Variants in MIPOL1 observed in about 807,000 individuals in gnomAD.
The protein encoded by MIPOL1 is mirror-image polydactyly 1.
A neutral mutation model predicts 60.9 loss-of-function variants in MIPOL1; 57 were observed. The observed-to-expected ratio is 0.94, with a 90% CI of 0.76 to 1.17. MIPOL1 has a LOEUF of 1.17. Ranked by LOEUF, MIPOL1 falls within the 50% of genes most tolerant of loss-of-function variation. MIPOL1 has a pLI of 0.00. For missense variants in MIPOL1, 551 were observed against 511.6 expected, an observed-to-expected ratio of 1.08 and a Z score of -0.74; for synonymous variants, 179 against 168.8, an observed-to-expected ratio of 1.06 and a Z score of -0.47.
intron 12 of MIPOL1, among the ~76,000 whole-genome samples, chr14:37,529,898 T>C (rs955687262): frequency 1.3e-5 from 2 of 152,170 alleles, no homozygotes; most frequent in African/African-American, 4.8e-5. Context: ...GCAAATGCAT[T>C]TAGATTTCCT....
intron 11 of MIPOL1, among the ~76,000 whole-genome samples, chr14:37,487,406 G>A (rs1483044229): frequency 6.6e-6 from 1 of 152,172 alleles, no homozygotes; most frequent in African/African-American, 2.4e-5. Flanking sequence ...AGTTTCAGAA[G>A]GAATGGTACC....
intron 11 of MIPOL1, among the ~76,000 whole-genome samples, chr14:37,423,218 G>A (rs2093906803): frequency 6.6e-6 from 1 of 151,388 alleles, no homozygotes; most frequent in African/African-American, 2.4e-5. Context: ...AGCCTGGATA[G>A]CTGTTGAGCT....
chr14:37,437,601 G>A (rs1325428288), intron 11 of MIPOL1, among the ~76,000 whole-genome samples: 1 of 152,036 alleles, frequency 6.6e-6, no homozygotes, highest in African/African-American at 2.4e-5. Flanking sequence ...TCTTTTGTAT[G>A]ATACAGTGTT....
chr14:37,398,781 T>C lies in MIPOL1; in HGVS notation c.937-24074T>C, dbSNP rs182629371. On this transcript the variant is annotated intron_variant, in intron 10 of 12. Coordinates refer to ENST00000684589, the MANE Select transcript of MIPOL1 (RefSeq NM_001388067.1). ...AAGATCTTTTCGTTTTTCTTTGATATGAAGTTTATAGACTAAATGGAAACT... is the reference window on the plus strand; with the variant it reads ...AAGATCTTTTCGTTTTTCTTTGATACGAAGTTTATAGACTAAATGGAAACT... 1.2e-3 allele frequency among the ~76,000 whole-genome samples: 178 copies of C among 152,308 alleles called. 1 individual carries two copies. Among genetic ancestry groups the C allele is most frequent in the African/African-American group, 4.2e-3 (173 of 41,564 alleles).
At chr14:37,232,986 C>A (rs1228591496) in intron 1 of MIPOL1, among the ~76,000 whole-genome samples, 5 of 152,144 alleles carry the variant, frequency 3.3e-5, no homozygotes, top group Admixed American at 2.6e-4. Context: ...GAGGTGTATA[C>A]TGTTTCATCA....
intron 11 of MIPOL1, among the ~76,000 whole-genome samples, chr14:37,441,881 T>G (rs1448854473): frequency 6.6e-6 from 1 of 152,136 alleles, no homozygotes; most frequent in Non-Finnish European, 1.5e-5. Context: ...ATAATATTAA[T>G]TCTTCTGATC....
intron 1 of MIPOL1, among the ~76,000 whole-genome samples, chr14:37,204,074 G>T (rs994919255): frequency 6.6e-6 from 1 of 151,804 alleles, no homozygotes; most frequent in Admixed American, 6.6e-5. Flanking sequence ...GAGCCACTGC[G>T]CCCAGCCCCC....
intron 10 of MIPOL1, among the ~76,000 whole-genome samples, chr14:37,408,381 G>A (rs889245557): frequency 6.6e-6 from 1 of 152,144 alleles, no homozygotes; most frequent in African/African-American, 2.4e-5. Flanking sequence ...TGTAGTCTCA[G>A]TACTTTGGGA....
chr14:37,361,076 A>T (rs945357953), intron 9 of MIPOL1, among the ~76,000 whole-genome samples: 1 of 152,064 alleles, frequency 6.6e-6, no homozygotes, highest in Non-Finnish European at 1.5e-5. Flanking sequence ...TTCATTATTT[A>T]CCTAGTAGTC....
chr14:37,458,405 T>G (rs2094500811), intron 11 of MIPOL1, among the ~76,000 whole-genome samples: 1 of 152,188 alleles, frequency 6.6e-6, no homozygotes, highest in African/African-American at 2.4e-5. Flanking sequence ...ACACAATAGA[T>G]AATATGTTGG....
chr14:37,199,473 G>A (rs1594387522), intron 1 of MIPOL1, among the ~76,000 whole-genome samples: 2 of 152,188 alleles, frequency 1.3e-5, no homozygotes, highest in East Asian at 3.9e-4. Context: ...ATTACCAATA[G>A]GGCTGCTATA....
intron 12 of MIPOL1, chr14:37,506,894 TAAAC>T (rs2095282280): frequency 6.6e-6 from 1 of 151,674 alleles, no homozygotes; most frequent in Non-Finnish European, 1.5e-5. Flanking sequence ...TATTGGAACT[TAAAC>T]AATTACAAGA....
intron 12 of MIPOL1, among the ~76,000 whole-genome samples, chr14:37,544,385 T>C (rs879600700): frequency 5.9e-5 from 9 of 152,208 alleles, no homozygotes; most frequent in Non-Finnish European, 1.3e-4. Flanking sequence ...ACTTGTCTGT[T>C]CTTCAGTTTC....
chr14:37,530,911 G>T (rs902335283), intron 12 of MIPOL1, among the ~76,000 whole-genome samples: 26 of 151,304 alleles, frequency 1.7e-4, no homozygotes, highest in African/African-American at 6.3e-4. Flanking sequence ...TCCGCCTCCC[G>T]AGTTCAAGCA....
chr14:37,423,622 C>T (rs979692917), intron 11 of MIPOL1: 7 of 151,936 alleles, frequency 4.6e-5, no homozygotes, highest in Middle Eastern at 6.8e-3. Flanking sequence ...AAAAACACAC[C>T]GATGCACAAT....
In MIPOL1 at chr14:37,429,886, T is replaced by C. The variant is rs895768652; in HGVS notation, c.1031+6937T>C. 3.9e-5 allele frequency among the ~76,000 whole-genome samples: 6 copies of C among 152,264 alleles called. No homozygotes were observed. In the East Asian group the frequency reaches 1.2e-3, roughly 29 times the overall value. ...TAGTTTTTTATTGGACCATATGCTTTCTTGGTCAGAACTACGAGTTGATAA... is the reference window on the plus strand; with the variant it reads ...TAGTTTTTTATTGGACCATATGCTTCCTTGGTCAGAACTACGAGTTGATAA... On this transcript the variant is annotated intron_variant, in intron 11 of 12. Transcript: ENST00000684589.
intron 1 of MIPOL1, chr14:37,198,410 C>G (rs1309504073): frequency 6.6e-6 from 1 of 151,746 alleles, no homozygotes; most frequent in Non-Finnish European, 1.5e-5. Context: ...TGTTTTTTTC[C>G]CCTTAAGTCG....
At chr14:37,265,257 G>A (rs1419960893) in intron 3 of MIPOL1, 3 of 152,056 alleles carry the variant, frequency 2.0e-5, no homozygotes, top group African/African-American at 7.2e-5. Flanking sequence ...AAATGCCTTT[G>A]TGAAGTCTTC....
At chr14:37,546,865 T>C in intron 12 of MIPOL1, 40 bp from the exon 13 acceptor site, 1 of 1,534,170 alleles carries the variant, frequency 6.5e-7, no homozygotes, top group Non-Finnish European at 9.0e-7. Flanking sequence ...ATAATTGCCC[T>C]TTTTTTCCCC....
Sources: gnomAD v4.1 joint callset for allele counts (sites outside exome capture counted in the v4.1 genomes callset) on GRCh38, gnomAD v4.1.1 for gene constraint, MANE v1.5 for transcripts, NCBI Gene and HGNC (gene_info 2026-07-23, HGNC 2026-07-21) for gene names.